The following LIMCH1 variants were observed in gnomAD, a reference collection of about 807,000 sequenced individuals.
LIMCH1 encodes the protein LIM and calponin homology domains-containing protein 1.
A neutral mutation model predicts 176.5 loss-of-function variants in LIMCH1; 113 were observed. That is an observed-to-expected ratio of 0.64 (90% confidence interval 0.55 to 0.75). LIMCH1 has a LOEUF of 0.75. Ranked by LOEUF, LIMCH1 falls within the 30% of genes least tolerant of loss-of-function variation. The pLI, the probability that LIMCH1 is intolerant of heterozygous loss-of-function variation, is 0.00. For synonymous variants in LIMCH1, 619 were observed against 645.9 expected, an observed-to-expected ratio of 0.96 and a Z score of 0.63; for missense variants, 1,674 against 1,814.9, an observed-to-expected ratio of 0.92 and a Z score of 1.41.
chr4:41,387,228 A>C (rs1476790115), intron 1 of LIMCH1, among the ~76,000 whole-genome samples: 1 of 152,226 alleles, frequency 6.6e-6, no homozygotes, highest in East Asian at 1.9e-4. Flanking sequence ...GAGAACATAC[A>C]TTGTTCATTC....
At position 41,522,944 on chromosome 4, in the gene LIMCH1, G is replaced by A. The variant is rs141936561; in HGVS notation, c.168-1465G>A. ...AAAAGAGCAGCCAGCTTGGCTCTCC[G>A]TGGGCAAAACAGCACTTGTGCACTC... On this transcript the variant is annotated intron_variant, in intron 2 of 26. Transcript: ENST00000313860. Among the ~76,000 whole-genome samples the A allele has an allele frequency of 1.6e-4, 24 of 152,272 alleles. No individual in the cohort carries two copies. In the East Asian group the frequency reaches 3.5e-3, roughly 22 times the overall value.
chr4:41,600,235 A>G (rs1488325829), intron 2 of LIMCH1, among the ~76,000 whole-genome samples: 5 of 152,238 alleles, frequency 3.3e-5, no homozygotes, highest in Non-Finnish European at 5.9e-5. Context: ...GGATATTTGA[A>G]TATGGAAACC....
chr4:41,543,702 G>A (rs865800777), intron 1 of LIMCH1, among the ~76,000 whole-genome samples: 2 of 152,074 alleles, frequency 1.3e-5, no homozygotes, highest in Non-Finnish European at 2.9e-5. Context: ...CAAACATAGC[G>A]CCACAGTCTG....
intron 20 of LIMCH1, among the ~76,000 whole-genome samples, chr4:41,665,080 C>A (rs1304153733): frequency 1.3e-5 from 2 of 152,146 alleles, no homozygotes; most frequent in Non-Finnish European, 2.9e-5. Flanking sequence ...ATGTGAATTT[C>A]TCCCTTTTCT....
At chr4:41,373,822 G>A (rs758809755) in intron 1 of LIMCH1, among the ~76,000 whole-genome samples, 1 of 152,128 alleles carries the variant, frequency 6.6e-6, no homozygotes, top group Non-Finnish European at 1.5e-5. Flanking sequence ...GTTGGAGGAG[G>A]GGCCTGGTGG....
intron 1 of LIMCH1, among the ~76,000 whole-genome samples, chr4:41,361,240 C>G (rs1216044117): frequency 6.6e-6 from 1 of 152,248 alleles, no homozygotes; most frequent in Admixed American, 6.5e-5. Flanking sequence ...CAGCTAGCGC[C>G]GCTTCCAGGC....
intron 1 of LIMCH1, among the ~76,000 whole-genome samples, chr4:41,393,041 A>C (rs898873369): frequency 2.0e-5 from 3 of 152,192 alleles, no homozygotes; most frequent in Non-Finnish European, 4.4e-5. Flanking sequence ...AAAAAGAAAA[A>C]AGAAAATGTT....
At chr4:41,485,124 T>G (rs1413827721) in intron 1 of LIMCH1, among the ~76,000 whole-genome samples, 7 of 152,196 alleles carry the variant, frequency 4.6e-5, no homozygotes, top group Admixed American at 4.6e-4. Flanking sequence ...GTTTTCTTTA[T>G]TAGACTGTTT....
intron 1 of LIMCH1, among the ~76,000 whole-genome samples, chr4:41,593,385 TAC>T (rs1185862766): frequency 6.6e-6 from 1 of 152,226 alleles, no homozygotes; most frequent in East Asian, 1.9e-4. Context: ...TGTTATGCAG[TAC>T]TTGCCAATTA....
chr4:41,407,867 G>A lies in LIMCH1; in HGVS notation c.96+46931G>A, dbSNP rs755668193. Among the ~76,000 whole-genome samples, 4 of 152,226 alleles carry A rather than the reference G, an allele frequency of 2.6e-5. No individual in the cohort carries two copies. In the South Asian group the frequency reaches 8.3e-4, roughly 32 times the overall value. On this transcript the variant is annotated intron_variant, in intron 1 of 26. Transcript: ENST00000313860. The stretch of plus-strand genomic sequence containing the variant: ...TTGTGATTTAAACTCTGGGCTACTA[G>A]TGCTCTGGACACTTAAAATTAGTCA...
At chr4:41,546,660 T>C (rs2079455671) in intron 1 of LIMCH1, among the ~76,000 whole-genome samples, 1 of 152,190 alleles carries the variant, frequency 6.6e-6, no homozygotes, top group Non-Finnish European at 1.5e-5. Flanking sequence ...TAGCATGTTA[T>C]TCCAGGCAAT....
At chr4:41,408,821 T>C (rs746404256) in intron 1 of LIMCH1, among the ~76,000 whole-genome samples, 1 of 152,204 alleles carries the variant, frequency 6.6e-6, no homozygotes, top group East Asian at 1.9e-4. Flanking sequence ...GAGGGTAAGC[T>C]TCCAAGAGGG....
At chr4:41,685,605 C>T in intron 27 of LIMCH1, 105 bp from the exon 28 acceptor site, 2 of 1,328,592 alleles carry the variant, frequency 1.5e-6, no homozygotes, top group Non-Finnish European at 2.1e-6. Flanking sequence ...TGCATGAAAT[C>T]GCTATAAAAC....
intron 2 of LIMCH1, among the ~76,000 whole-genome samples, chr4:41,521,273 A>T (rs1373014842): frequency 6.6e-6 from 1 of 152,162 alleles, no homozygotes; most frequent in African/African-American, 2.4e-5. Context: ...TTAGCTGTGC[A>T]TGTCTCTGGG....
At chr4:41,389,863 A>G (rs1188844681) in intron 1 of LIMCH1, among the ~76,000 whole-genome samples, 1 of 152,114 alleles carries the variant, frequency 6.6e-6, no homozygotes, top group African/African-American at 2.4e-5. Flanking sequence ...AAATACCAAG[A>G]CAGACGTAGT....
Position 41,668,161 on chromosome 4 carries a change from T to C in LIMCH1, c.3397+1495T>C, listed in dbSNP as rs1292742994. Among the ~76,000 whole-genome samples, 3 of 152,174 alleles carry C rather than the reference T, an allele frequency of 2.0e-5. No homozygotes were observed. In the East Asian group the frequency reaches 5.8e-4, roughly 29 times the overall value. ...ATTTGAGCCACTGGCAGAATCTGAG[T>C]TGGCTTCCATTAGCTATTATTGATG... On this transcript the variant is annotated intron_variant, in intron 21 of 31. Transcript: ENST00000503057.
chr4:41,629,231 GC>G (rs1440284306), intron 8 of LIMCH1, among the ~76,000 whole-genome samples: 4 of 152,160 alleles, frequency 2.6e-5, no homozygotes, highest in African/African-American at 4.8e-5. Context: ...AGCAGGCACG[GC>G]TTCTTTTCCT....
intron 1 of LIMCH1, among the ~76,000 whole-genome samples, chr4:41,385,105 G>A (rs2056311217): frequency 6.6e-6 from 1 of 152,312 alleles, no homozygotes; most frequent in South Asian, 2.1e-4. Context: ...ACATTCAGTT[G>A]TACTCTGAAC....
At chr4:41,578,593 A>C (rs1464135039) in intron 1 of LIMCH1, among the ~76,000 whole-genome samples, 2 of 151,812 alleles carry the variant, frequency 1.3e-5, no homozygotes, top group Non-Finnish European at 2.9e-5. Flanking sequence ...GATGGGTAAA[A>C]CTCTTTCTCT....
Sources: allele counts gnomAD v4.1 joint callset (sites outside exome capture counted in the v4.1 genomes callset), GRCh38; gene constraint gnomAD v4.1.1; transcripts MANE v1.5; gene names NCBI Gene and HGNC (gene_info 2026-07-23, HGNC 2026-07-21).